Variants in PPP2R1B observed in about 807,000 individuals in gnomAD.
The protein encoded by PPP2R1B is protein phosphatase 2 scaffold subunit Abeta, also known as serine/threonine-protein phosphatase 2A 65 kDa regulatory subunit A beta isoform.
Under a neutral mutation model 72.7 loss-of-function variants are expected in PPP2R1B, and 58 were observed. The observed-to-expected ratio is 0.80, with a 90% CI of 0.65 to 0.99. The LOEUF (loss-of-function observed/expected upper bound fraction) is 0.99. Among genes scored for constraint, PPP2R1B ranks in the 50% least tolerant of loss-of-function variants. The pLI, the probability that PPP2R1B is intolerant of heterozygous loss-of-function variation, is 0.00. For synonymous variants in PPP2R1B, 256 were observed against 264.6 expected (o/e 0.97, Z 0.32); for missense variants, 695 against 733.6 (o/e 0.95, Z 0.61).
chr11:111,741,664 A>G (rs112000236), intron 14 of PPP2R1B, 52 bp from the exon 15 acceptor site: 1 of 1,565,792 alleles, frequency 6.4e-7, no homozygotes, highest in African/African-American at 1.4e-5. Flanking sequence ...TTCACGAACG[A>G]TCTATGTGAA....
the PPP2R1B span, among the ~76,000 whole-genome samples, chr11:111,704,269 T>C: frequency 6.6e-6 from 1 of 152,160 alleles, no homozygotes; most frequent in African/African-American, 2.4e-5. Context: ...TTGCTGAGAG[T>C]GCTCTGCATC....
the PPP2R1B span, among the ~76,000 whole-genome samples, chr11:111,691,150 C>G: frequency 6.6e-6 from 1 of 152,134 alleles, no homozygotes. Context: ...ATACGTGGGT[C>G]AAATCAGTGT....
At chr11:111,751,698 C>A (rs782027110) in intron 10 of PPP2R1B, among the ~76,000 whole-genome samples, 1 of 152,206 alleles carries the variant, frequency 6.6e-6, no homozygotes, top group Non-Finnish European at 1.5e-5. Flanking sequence ...CACTAATAGG[C>A]CAGATGCAGT....
At chr11:111,716,701 G>A in the PPP2R1B span, among the ~76,000 whole-genome samples, 1 of 152,158 alleles carries the variant, frequency 6.6e-6, no homozygotes, top group African/African-American at 2.4e-5. Flanking sequence ...AATTCCTCTT[G>A]TAGTCTAGAT....
chr11:111,716,092 A>G, the PPP2R1B span, among the ~76,000 whole-genome samples: 2 of 152,258 alleles, frequency 1.3e-5, no homozygotes, highest in Middle Eastern at 3.4e-3. Flanking sequence ...ATGAGCCACC[A>G]TGCCCAGCCC....
At chr11:111,736,650 C>T (rs12290492), downstream of PPP2R1B, among the ~76,000 whole-genome samples, 12 of 152,146 alleles carry the variant, frequency 7.9e-5, no homozygotes, top group African/African-American at 2.7e-4. Context: ...TGAGTGACTG[C>T]GATTCTGGAC....
intron 15 of PPP2R1B, chr11:111,728,235 G>A (rs969803671): frequency 2.0e-5 from 3 of 152,046 alleles, no homozygotes; most frequent in Non-Finnish European, 2.9e-5. Context: ...CTCGTAAGTT[G>A]GAGTCATTGT....
chr11:111,734,520 G>C (rs554414926), downstream of PPP2R1B, among the ~76,000 whole-genome samples: 48 of 152,378 alleles, frequency 3.2e-4, no homozygotes, highest in African/African-American at 1.1e-3. Context: ...AGGCCCCACA[G>C]TGGAGAGGGC....
chr11:111,733,623 G>GT (rs1298596829), downstream of PPP2R1B, among the ~76,000 whole-genome samples: 2 of 151,992 alleles, frequency 1.3e-5, no homozygotes, highest in African/African-American at 4.8e-5. Flanking sequence ...CACATAGTTG[G>GT]GGGTGGGACA....
In PPP2R1B at chr11:111,740,034, T is replaced by C; in HGVS notation, c.*1562A>G. On this transcript the variant is annotated 3_prime_UTR_variant, in exon 15 of 15. Coordinates refer to ENST00000527614, the MANE Select transcript of PPP2R1B (RefSeq NM_002716.5). ...AATATACAAAGTCTTAGAGGAGTCT[T>C]TGGGCCTTCACTAAACAGAACAGGA... The C allele has an allele frequency of 4.1e-6, 4 of 984,694 alleles. No individual in the cohort carries two copies. Among genetic ancestry groups the C allele is most frequent in the Non-Finnish European group, 4.8e-6 (4 of 829,248 alleles). 61.0% of individuals were successfully genotyped at this position (984,694 alleles called of 1,614,324 possible). A position where few individuals can be genotyped will look rare whatever the true frequency, so the allele number is the denominator to read the frequency against.
the PPP2R1B span, among the ~76,000 whole-genome samples, chr11:111,709,852 C>G: frequency 6.6e-6 from 1 of 152,186 alleles, no homozygotes; most frequent in Non-Finnish European, 1.5e-5. Flanking sequence ...TAGTCCAGGT[C>G]GGATGTGAAC....
At chr11:111,725,142 C>G (rs891935110), downstream of PPP2R1B, 2 of 152,670 alleles carry the variant, frequency 1.3e-5, no homozygotes, top group African/African-American at 2.4e-5. Flanking sequence ...ATGAACTTTT[C>G]TGTCCCATGT....
chr11:111,704,931 G>A, the PPP2R1B span: 1 of 1,521,284 alleles, frequency 6.6e-7, no homozygotes, highest in South Asian at 1.3e-5. Context: ...GGCATGTGTA[G>A]ATCATTGCAT....
the PPP2R1B span, among the ~76,000 whole-genome samples, chr11:111,699,990 G>A: frequency 6.6e-6 from 1 of 152,202 alleles, no homozygotes; most frequent in East Asian, 1.9e-4. Context: ...CTTCAGTCAG[G>A]AGTATGTAGC....
At chr11:111,712,282 C>T in the PPP2R1B span, 8,043 of 1,614,240 alleles carry the variant, frequency 5.0e-3, 34 homozygotes, top group Non-Finnish European at 6.1e-3. Flanking sequence ...CCCTCCTCCC[C>T]CAGGCATCCA....
At chr11:111,743,141 G>A (rs752759770) in intron 12 of PPP2R1B, among the ~76,000 whole-genome samples, 14 of 152,088 alleles carry the variant, frequency 9.2e-5, no homozygotes, top group African/African-American at 2.9e-4. Flanking sequence ...TGATCTGCCC[G>A]CCTCAGCCTC....
At chr11:111,732,883 C>T (rs1299313850), downstream of PPP2R1B, among the ~76,000 whole-genome samples, 1 of 152,184 alleles carries the variant, frequency 6.6e-6, no homozygotes, top group Non-Finnish European at 1.5e-5. Flanking sequence ...ATGTCACCTG[C>T]ACAGAACATG....
downstream of PPP2R1B, among the ~76,000 whole-genome samples, chr11:111,736,316 A>G (rs369175345): frequency 6.6e-6 from 1 of 152,068 alleles, no homozygotes; most frequent in East Asian, 1.9e-4. Context: ...AATGATCCAC[A>G]CTCAGATCGG....
chr11:111,723,893 T>G, downstream of PPP2R1B: 1 of 1,613,656 alleles, frequency 6.2e-7, no homozygotes, highest in Non-Finnish European at 8.5e-7. Flanking sequence ...CTATCAGACT[T>G]GTGAGCTGCC....
Sources: gnomAD v4.1 joint callset for allele counts (sites outside exome capture counted in the v4.1 genomes callset) on GRCh38, gnomAD v4.1.1 for gene constraint, MANE v1.5 for transcripts, NCBI Gene and HGNC (gene_info 2026-07-23, HGNC 2026-07-21) for gene names.